Variants in DNAH7 observed in about 807,000 individuals in gnomAD.
DNAH7 encodes the protein dynein axonemal heavy chain 7.
Under a neutral mutation model 444.6 loss-of-function variants are expected in DNAH7, and 397 were observed. That is an observed-to-expected ratio of 0.89 (90% confidence interval 0.82 to 0.97). The LOEUF is 0.97. DNAH7 is among the 50% of genes least tolerant of loss of function. The pLI is 0.00. For synonymous variants in DNAH7, 1,636 were observed against 1,624.4 expected, an observed-to-expected ratio of 1.01 and a Z score of -0.17; for missense variants, 4,902 against 4,800.8, an observed-to-expected ratio of 1.02 and a Z score of -0.62.
chr2:195,899,435 C>T (rs1303808659), intron 28 of DNAH7, among the ~76,000 whole-genome samples: 1 of 152,210 alleles, frequency 6.6e-6, no homozygotes, highest in African/African-American at 2.4e-5. Flanking sequence ...TATCTGACCA[C>T]AATCTAATCC....
At chr2:196,047,318 G>C (rs556212087) in intron 5 of DNAH7, 34 bp downstream of exon 5, 1 of 1,499,754 alleles carries the variant, frequency 6.7e-7, no homozygotes, top group East Asian at 2.4e-5. Context: ...GCTCTAACAT[G>C]GGTAACACGT....
At chr2:195,990,970 C>CATAT (rs111362660) in intron 12 of DNAH7, among the ~76,000 whole-genome samples, 2 of 133,520 alleles carry the variant, frequency 1.5e-5, no homozygotes, top group South Asian at 2.3e-4. Flanking sequence ...AATATATATA[C>CATAT]ATATATATAT....
At chr2:195,998,558 C>G (rs1693843034) in intron 12 of DNAH7, among the ~76,000 whole-genome samples, 1 of 146,022 alleles carries the variant, frequency 6.8e-6, no homozygotes, top group African/African-American at 2.6e-5. Context: ...GAGCGAGACT[C>G]CAACTCAAAA....
At chr2:195,884,115 G>A (rs1701574688) in intron 35 of DNAH7, among the ~76,000 whole-genome samples, 1 of 152,098 alleles carries the variant, frequency 6.6e-6, no homozygotes, top group African/African-American at 2.4e-5. Context: ...CAATACTTGT[G>A]GGTGGGAGTT....
chr2:195,765,209 T>C (rs1694515722), intron 61 of DNAH7, among the ~76,000 whole-genome samples: 1 of 152,160 alleles, frequency 6.6e-6, no homozygotes, highest in South Asian at 2.1e-4. Context: ...GACCCCCATC[T>C]TGCCATATTA....
intron 5 of DNAH7, among the ~76,000 whole-genome samples, chr2:196,029,523 G>A (rs1264978812): frequency 6.6e-6 from 1 of 151,876 alleles, no homozygotes; most frequent in South Asian, 2.1e-4. Context: ...CTCACCGAGA[G>A]CAATAATAAT....
At chr2:195,950,849 CT>C (rs1201453475) in intron 19 of DNAH7, among the ~76,000 whole-genome samples, 239 of 11,100 alleles carry the variant, frequency 0.022, 2 homozygotes, top group South Asian at 0.076. Context: ...GGGACTCTGT[CT>C]CAAAAAAAAA....
At chr2:195,832,432 T>TTTTC (rs758809409) in intron 48 of DNAH7, among the ~76,000 whole-genome samples, 1 of 151,942 alleles carries the variant, frequency 6.6e-6, no homozygotes, top group Admixed American at 6.6e-5. Context: ...GTTTTTGGTT[T>TTTTC]TTTCTTTCTT....
At chr2:195,738,827 A>AT (rs1559060352) in intron 64 of DNAH7, among the ~76,000 whole-genome samples, 1 of 152,178 alleles carries the variant, frequency 6.6e-6, no homozygotes, top group African/African-American at 2.4e-5. Context: ...AATCCTCGAG[A>AT]TGATAGGACT....
At chr2:195,817,252 G>C (rs573566564) in intron 50 of DNAH7, among the ~76,000 whole-genome samples, 18 of 152,268 alleles carry the variant, frequency 1.2e-4, no homozygotes, top group African/African-American at 4.3e-4. Flanking sequence ...AGAGTGAATA[G>C]AAAGTAGCAC....
At chr2:195,739,825 T>A (rs1046739886) in intron 64 of DNAH7, among the ~76,000 whole-genome samples, 1 of 152,230 alleles carries the variant, frequency 6.6e-6, no homozygotes, top group African/African-American at 2.4e-5. Flanking sequence ...CCAGCTCGGG[T>A]TGAACCAGGT....
Position 196,001,771 on chromosome 2 carries a change from A to C in DNAH7, c.1077T>G (p.Ser359=). Residue 359 remains serine (S), a synonymous_variant, in exon 11 of 65, where the codon TCT becomes TCG. Transcript: ENST00000312428. ...TAAGTGCAGCAGCACAGTTGAAAAAAGATTCCAATTTGGCACTGCTGTCAC... is the reference window on the plus strand; with the variant it reads ...TAAGTGCAGCAGCACAGTTGAAAAACGATTCCAATTTGGCACTGCTGTCAC... ...PTGDSSAKLE[S]FFNCAAALMT... 6.2e-7 allele frequency: 1 copy of C among 1,613,332 alleles called. No individual in the cohort carries two copies. The highest frequency in any genetic ancestry group is 8.5e-7 in the Non-Finnish European group (1 of 1,179,640).
chr2:196,049,697 C>G (rs1697347439), intron 3 of DNAH7, among the ~76,000 whole-genome samples: 1 of 152,326 alleles, frequency 6.6e-6, no homozygotes, highest in South Asian at 2.1e-4. Flanking sequence ...TTGCAAGACA[C>G]AGCCAAATAT....
intron 59 of DNAH7, 56 bp downstream of exon 59, chr2:195,777,744 C>G (rs533244708): frequency 6.5e-7 from 1 of 1,527,022 alleles, no homozygotes; most frequent in Non-Finnish European, 8.9e-7. Flanking sequence ...AATATCATCA[C>G]TACCAAAATA....
intron 60 of DNAH7, among the ~76,000 whole-genome samples, chr2:195,774,349 A>G (rs1010617407): frequency 6.6e-6 from 1 of 152,264 alleles, no homozygotes; most frequent in Non-Finnish European, 1.5e-5. Flanking sequence ...AATATCTAAA[A>G]TGGATGTAAA....
chr2:195,783,680 A>G (rs994742624), intron 58 of DNAH7, among the ~76,000 whole-genome samples: 2 of 152,174 alleles, frequency 1.3e-5, no homozygotes, highest in African/African-American at 4.8e-5. Context: ...ATGGATTAAG[A>G]CTTCAACATG....
intron 19 of DNAH7, among the ~76,000 whole-genome samples, chr2:195,943,446 T>C (rs1191672410): frequency 1.3e-5 from 2 of 152,162 alleles, no homozygotes; most frequent in Non-Finnish European, 2.9e-5. Context: ...ATGACAGTAT[T>C]GGCAGAAACT....
At chr2:196,049,420 G>A (rs1697333998) in intron 3 of DNAH7, among the ~76,000 whole-genome samples, 1 of 152,116 alleles carries the variant, frequency 6.6e-6, no homozygotes, top group South Asian at 2.1e-4. Flanking sequence ...GAAAGGGTGA[G>A]AATCAGGTCA....
chr2:195,818,488 A>G (rs10497768), intron 49 of DNAH7, among the ~76,000 whole-genome samples: 13,995 of 152,170 alleles, frequency 0.092, 707 homozygotes, highest in African/African-American at 0.13. Flanking sequence ...TTTCTTTCCC[A>G]TAAGCATGCA....
Sources: gnomAD v4.1 joint callset for allele counts (sites outside exome capture counted in the v4.1 genomes callset) on GRCh38, gnomAD v4.1.1 for gene constraint, MANE v1.5 for transcripts, NCBI Gene and HGNC (gene_info 2026-07-23, HGNC 2026-07-21) for gene names.